Variants in SMAP1 observed in about 807,000 individuals in gnomAD.
The protein encoded by SMAP1 is stromal membrane-associated protein 1.
In SMAP1, 24 loss-of-function variants were observed where a neutral mutation model predicts 58.5. The observed-to-expected ratio is 0.41, with a 90% CI of 0.30 to 0.58. The LOEUF (loss-of-function observed/expected upper bound fraction) is 0.58. Ranked by LOEUF, SMAP1 falls within the 20% of genes least tolerant of loss-of-function variation. The pLI, the probability that SMAP1 is intolerant of heterozygous loss-of-function variation, is 0.29. For missense variants in SMAP1, 563 were observed against 566.3 expected (o/e 0.99, Z 0.06); for synonymous variants, 216 against 196.6 (o/e 1.10, Z -0.82).
At chr6:70,752,876 A>C (rs1373465134) in intron 2 of SMAP1, among the ~76,000 whole-genome samples, 1 of 152,036 alleles carries the variant, frequency 6.6e-6, no homozygotes, top group Non-Finnish European at 1.5e-5. Context: ...CAACTAACAA[A>C]CACATCCATG....
At chr6:70,845,260 T>C (rs887300128) in intron 7 of SMAP1, among the ~76,000 whole-genome samples, 3 of 152,210 alleles carry the variant, frequency 2.0e-5, no homozygotes, top group African/African-American at 7.2e-5. Flanking sequence ...TTAATATTTA[T>C]TGAGCACCAG....
At chr6:70,668,845 G>T in intron 1 of SMAP1, 1 of 1,114,464 alleles carries the variant, frequency 9.0e-7, no homozygotes, top group Non-Finnish European at 1.2e-6. Context: ...GAGGACGGTG[G>T]GTTTGTATTT....
At chr6:70,745,248 C>T (rs756447426) in intron 2 of SMAP1, among the ~76,000 whole-genome samples, 13 of 152,182 alleles carry the variant, frequency 8.5e-5, no homozygotes, top group Non-Finnish European at 1.9e-4. Flanking sequence ...AGTCCTTGCC[C>T]ATGCCTATGT....
chr6:70,726,765 TG>T (rs541908786), intron 1 of SMAP1, among the ~76,000 whole-genome samples: 171 of 152,256 alleles, frequency 1.1e-3, no homozygotes, highest in African/African-American at 3.9e-3. Flanking sequence ...TACTTAATAG[TG>T]ATTTATCAGT....
At chr6:70,815,512 A>C (rs1291607561) in intron 6 of SMAP1, among the ~76,000 whole-genome samples, 1 of 152,164 alleles carries the variant, frequency 6.6e-6, no homozygotes, top group Non-Finnish European at 1.5e-5. Flanking sequence ...TCCTCTTTAG[A>C]AAGAATACTT....
chr6:70,794,033 C>A (rs529473007), intron 5 of SMAP1, among the ~76,000 whole-genome samples: 1 of 152,120 alleles, frequency 6.6e-6, no homozygotes, highest in Non-Finnish European at 1.5e-5. Flanking sequence ...GTGCCCGGCC[C>A]TATGTCTTTA....
At chr6:70,842,271 T>C (rs1475815753) in intron 7 of SMAP1, among the ~76,000 whole-genome samples, 1 of 152,224 alleles carries the variant, frequency 6.6e-6, no homozygotes, top group Non-Finnish European at 1.5e-5. Flanking sequence ...ACTATTATTA[T>C]GAACTATTAT....
At chr6:70,762,779 A>AT (rs1203075664) in intron 3 of SMAP1, among the ~76,000 whole-genome samples, 2 of 152,178 alleles carry the variant, frequency 1.3e-5, no homozygotes, top group African/African-American at 2.4e-5. Flanking sequence ...GCTTCTTATA[A>AT]TTTTTAAAAA....
intron 1 of SMAP1, among the ~76,000 whole-genome samples, chr6:70,718,474 A>G (rs1396314663): frequency 6.6e-6 from 1 of 152,188 alleles, no homozygotes; most frequent in African/African-American, 2.4e-5. Context: ...GAAAGGAAAA[A>G]TGAATTCCAT....
chr6:70,713,604 G>C (rs1316901149), intron 1 of SMAP1, among the ~76,000 whole-genome samples: 2 of 151,992 alleles, frequency 1.3e-5, no homozygotes, highest in Non-Finnish European at 2.9e-5. Context: ...TGTTGGACAA[G>C]GTATTTGATG....
intron 3 of SMAP1, among the ~76,000 whole-genome samples, chr6:70,771,133 G>A (rs1767280835): frequency 6.6e-6 from 1 of 152,164 alleles, no homozygotes; most frequent in Non-Finnish European, 1.5e-5. Context: ...GGAGTACCCG[G>A]CCGTGTGAAG....
intron 6 of SMAP1, among the ~76,000 whole-genome samples, chr6:70,832,078 C>A (rs549066642): frequency 6.6e-6 from 1 of 151,844 alleles, no homozygotes; most frequent in Non-Finnish European, 1.5e-5. Context: ...TTTTGAAAAG[C>A]GCTTATGTCC....
intron 4 of SMAP1, among the ~76,000 whole-genome samples, chr6:70,788,121 TA>T (rs1467868779): frequency 3.3e-5 from 5 of 151,742 alleles, no homozygotes; most frequent in African/African-American, 1.2e-4. Context: ...TATGCAGCCA[TA>T]AAAAATGATG....
chr6:70,860,900 A>G lies in SMAP1; in HGVS notation c.*566A>G, dbSNP rs982275558. The G allele has an allele frequency of 2.6e-6, 1 of 389,280 alleles. No individual in the cohort carries two copies. Among genetic ancestry groups the G allele is most frequent in the Non-Finnish European group, 4.5e-6 (1 of 220,244 alleles). 24.1% of individuals were successfully genotyped at this position (389,280 alleles called of 1,614,324 possible). On this transcript the variant is annotated 3_prime_UTR_variant, in exon 11 of 11. Coordinates refer to ENST00000370455, the MANE Select transcript of SMAP1 (RefSeq NM_001044305.3). ...TGAAAGGAAGATAAACGTGGATGTT[A>G]CTCCAAAACTTCGTTTAATGAATGC...
At chr6:70,787,049 A>G (rs1222527252) in intron 4 of SMAP1, among the ~76,000 whole-genome samples, 3 of 152,188 alleles carry the variant, frequency 2.0e-5, no homozygotes, top group East Asian at 1.9e-4. Context: ...ACTTCAAACT[A>G]TACTACAAGG....
At chr6:70,755,968 C>A (rs1766472200) in intron 3 of SMAP1, among the ~76,000 whole-genome samples, 1 of 151,966 alleles carries the variant, frequency 6.6e-6, no homozygotes, top group African/African-American at 2.4e-5. Context: ...CTTTATGAAT[C>A]CACCTTTATG....
chr6:70,752,452 A>C (rs116872735), intron 2 of SMAP1, among the ~76,000 whole-genome samples: 3,572 of 152,336 alleles, frequency 0.023, 51 homozygotes, highest in Non-Finnish European at 0.037. Flanking sequence ...AATTAGGATA[A>C]TAATGCCTGT....
At chr6:70,859,320 T>G in intron 10 of SMAP1, 5 of 1,544,554 alleles carry the variant, frequency 3.2e-6, no homozygotes, top group Non-Finnish European at 3.5e-6. Context: ...TACTGGCTCT[T>G]ACTTCCAGAT....
intron 2 of SMAP1, among the ~76,000 whole-genome samples, chr6:70,742,527 C>A (rs1765858282): frequency 6.6e-6 from 1 of 152,308 alleles, no homozygotes; most frequent in Admixed American, 6.5e-5. Flanking sequence ...GCATTTTGGT[C>A]AAAGCTAGTC....
Sources: allele counts gnomAD v4.1 joint callset (sites outside exome capture counted in the v4.1 genomes callset), GRCh38; gene constraint gnomAD v4.1.1; transcripts MANE v1.5; gene names NCBI Gene and HGNC (gene_info 2026-07-23, HGNC 2026-07-21).